The following KIF1A variants were observed in gnomAD, a reference collection of about 807,000 sequenced individuals.
KIF1A encodes kinesin family member 1A.
KIF1A carries 46 observed loss-of-function variants against 227.3 expected under a neutral mutation model. That is an observed-to-expected ratio of 0.20 (90% CI 0.16 to 0.26). The LOEUF (loss-of-function observed/expected upper bound fraction) is 0.26. Among genes scored for constraint, KIF1A ranks in the 10% least tolerant of loss-of-function variants. The pLI, the probability that KIF1A is intolerant of heterozygous loss-of-function variation, is 1.00. For synonymous variants in KIF1A, 1,022 were observed against 1,012.8 expected, an observed-to-expected ratio of 1.01 and a Z score of -0.17; for missense variants, 1,683 against 2,485.9, an observed-to-expected ratio of 0.68 and a Z score of 6.87.
At chr2:240,812,423 C>T (rs866731865) in intron 1 of KIF1A, among the ~76,000 whole-genome samples, 7 of 152,338 alleles carry the variant, frequency 4.6e-5, no homozygotes, top group Admixed American at 1.3e-4. Flanking sequence ...CACAGGCATC[C>T]GCCTGGAGCC....
rs934114337 is a variant in KIF1A at position 240,739,073 on chromosome 2, A to T, written c.3901+985T>A. 3.9e-5 allele frequency among the ~76,000 whole-genome samples: 6 copies of T among 152,266 alleles called. No homozygotes were observed. Among genetic ancestry groups the T allele is most frequent in the African/African-American group, 1.4e-4 (6 of 41,462 alleles). On this transcript the variant is annotated intron_variant, in intron 37 of 48. Coordinates refer to ENST00000498729, the MANE Select transcript of KIF1A (RefSeq NM_001244008.2). This position sits in a 1 kb window ranked among gnomAD's most constrained non-coding sequence, Gnocchi z 5.6. The stretch of plus-strand genomic sequence containing the variant: ...GACTTTCTGATTCATGTGAAATTAG[A>T]CACAAAACTTGTAAAACATAAGCAT...
Position 240,726,813 on chromosome 2 carries a change from A to T in KIF1A, c.4122+13T>A, listed in dbSNP as rs763326105. On this transcript the variant is annotated intron_variant, in intron 39 of 48. Coordinates refer to ENST00000498729, the MANE Select transcript of KIF1A (RefSeq NM_001244008.2). This position sits in a 1 kb window ranked among gnomAD's most constrained non-coding sequence, Gnocchi z 5.2. ...AGTGGTTTTGGTGGAGTGCCCTGGC[A>T]TAGGTGCCTTGCCTCGATATAAGCG... 6 of 1,554,066 alleles carry T rather than the reference A, an allele frequency of 3.9e-6. No homozygotes were observed. Among genetic ancestry groups the T allele is most frequent in the Non-Finnish European group, 5.3e-6 (6 of 1,130,606 alleles).
At position 240,766,695 on chromosome 2, in the gene KIF1A, GC is replaced by G. The variant is rs1445045940; in HGVS notation, c.1684+219del. On this transcript the variant is annotated intron_variant, in intron 19 of 48. Coordinates refer to ENST00000498729, the MANE Select transcript of KIF1A (RefSeq NM_001244008.2). This position sits in a 1 kb window ranked among gnomAD's most constrained non-coding sequence, Gnocchi z 5.0. The stretch of plus-strand genomic sequence containing the variant: ...CTAATGGAAGTTGTTTTTAAGGCTG[GC>G]CCCAAATATCTCTCTCTCTCTCCAA... 6.7e-6 allele frequency among the ~76,000 whole-genome samples: 1 copy of G among 148,864 alleles called. No homozygotes were observed. Among genetic ancestry groups the G allele is most frequent in the African/African-American group, 2.5e-5 (1 of 39,528 alleles).
intron 13 of KIF1A, 122 bp downstream of exon 13, chr2:240,772,992 G>T: frequency 1.8e-6 from 2 of 1,082,072 alleles, no homozygotes; most frequent in Non-Finnish European, 2.6e-6. Flanking sequence ...GTGTGGAGCT[G>T]CCACAGCCCA....
intron 19 of KIF1A, 138 bp from the exon 20 acceptor site, chr2:240,765,931 T>C (rs746984293): frequency 4.6e-6 from 3 of 658,582 alleles, no homozygotes; most frequent in Admixed American, 2.6e-5. Context: ...GCCGTGACCA[T>C]TGGCAACACT....
intron 2 of KIF1A, among the ~76,000 whole-genome samples, chr2:240,795,293 G>T (rs555536031): frequency 6.6e-6 from 1 of 152,318 alleles, no homozygotes; most frequent in African/African-American, 2.4e-5. Context: ...AGGGCCAGAC[G>T]GGATCCAGGC....
At chr2:240,807,078 A>G (rs866044483) in intron 1 of KIF1A, among the ~76,000 whole-genome samples, 99 of 95,234 alleles carry the variant, frequency 1.0e-3, no homozygotes, top group East Asian at 7.3e-3. Context: ...CCTCATATAT[A>G]TGTGTGTGTG....
intron 14 of KIF1A, 89 bp from the exon 15 acceptor site, chr2:240,771,193 G>T: frequency 6.6e-7 from 1 of 1,524,116 alleles, no homozygotes. Flanking sequence ...TGGGGAGGAG[G>T]GGTAGGGCGG....
intron 10 of KIF1A, among the ~76,000 whole-genome samples, chr2:240,779,974 C>T (rs954140224): frequency 1.3e-5 from 2 of 152,160 alleles, no homozygotes; most frequent in African/African-American, 4.8e-5. Context: ...TCCACACAGC[C>T]CCGTTGCACC....
At chr2:240,741,122 G>T in intron 35 of KIF1A, 147 bp downstream of exon 35, 1 of 604,326 alleles carries the variant, frequency 1.7e-6, no homozygotes, top group Non-Finnish European at 3.0e-6. Flanking sequence ...CCTAGATGAG[G>T]CCGGGCCCAC....
At chr2:240,741,190 G>A (rs2047915013) in intron 35 of KIF1A, 79 bp downstream of exon 35, 2 of 950,746 alleles carry the variant, frequency 2.1e-6, no homozygotes, top group Middle Eastern at 3.0e-4. Flanking sequence ...GCAACCCTCA[G>A]GCAGCTCAAG....
rs2049774022 is a variant in KIF1A, at chr2:240,755,759, C to T, written c.2858+1560G>A. 2.6e-5 allele frequency among the ~76,000 whole-genome samples: 4 copies of T among 152,316 alleles called. No individual in the cohort carries two copies. In the South Asian group the frequency reaches 8.3e-4, roughly 32 times the overall value. On this transcript the variant is annotated intron_variant, in intron 27 of 48. Transcript: ENST00000498729. The stretch of plus-strand genomic sequence containing the variant: ...TCTGGCTGAGACTGCGAGAGCCCCA[C>T]CCCACTTCTCCTGATGTCCTCATCC...
chr2:240,747,948 CGGGTCACG>C (rs2048794927), intron 28 of KIF1A, among the ~76,000 whole-genome samples: 1 of 152,250 alleles, frequency 6.6e-6, no homozygotes, highest in African/African-American at 2.4e-5. Context: ...TGACCTCGCC[CGGGTCACG>C]GGCAGGGCTG....
chr2:240,816,707 CG>C (rs2058352347), intron 1 of KIF1A, among the ~76,000 whole-genome samples: 1 of 152,198 alleles, frequency 6.6e-6, no homozygotes, highest in Non-Finnish European at 1.5e-5. Context: ...CTACTCATTC[CG>C]GCAACCCCAG....
chr2:240,809,627 A>C (rs2057702323), intron 1 of KIF1A, among the ~76,000 whole-genome samples: 1 of 152,090 alleles, frequency 6.6e-6, no homozygotes, highest in African/African-American at 2.4e-5. Flanking sequence ...TTGGAAGAAA[A>C]TAAAGAAGAG....
intron 13 of KIF1A, among the ~76,000 whole-genome samples, chr2:240,772,909 C>T (rs2052198931): frequency 1.3e-5 from 2 of 152,174 alleles, no homozygotes; most frequent in Non-Finnish European, 2.9e-5. Flanking sequence ...CGCCCGGCCT[C>T]CCACCCAGAG....
chr2:240,801,505 T>C (rs1162094650), intron 1 of KIF1A, among the ~76,000 whole-genome samples: 1 of 152,084 alleles, frequency 6.6e-6, no homozygotes. Flanking sequence ...CACAGTGAAA[T>C]GGTCAAACAT....
chr2:240,752,236 G>A lies in KIF1A; in HGVS notation c.2859-1689C>T, dbSNP rs1019278100. Among the ~76,000 whole-genome samples, 1 of 151,830 alleles carries A rather than the reference G, an allele frequency of 6.6e-6. No homozygotes were observed. The highest frequency in any genetic ancestry group is 1.9e-4 in the East Asian group (1 of 5,130). ...ACTTGTTACCCACAGGGCTGCAGGC[G>A]GCTCTGCCTGACTTAGGTGTGGGGG... On this transcript the variant is annotated intron_variant, in intron 27 of 48. Coordinates refer to ENST00000498729, the MANE Select transcript of KIF1A (RefSeq NM_001244008.2). This position sits in a 1 kb window ranked among gnomAD's most constrained non-coding sequence, Gnocchi z 6.4.
chr2:240,776,489 C>T (rs570499431), intron 10 of KIF1A, among the ~76,000 whole-genome samples: 294 of 152,298 alleles, frequency 1.9e-3, no homozygotes, highest in Non-Finnish European at 3.2e-3. Flanking sequence ...TTTCCTCTAA[C>T]GGCCTGTTCT....
Sources: allele counts gnomAD v4.1 joint callset (sites outside exome capture counted in the v4.1 genomes callset), GRCh38; gene constraint gnomAD v4.1.1; non-coding constraint Gnocchi (gnomAD v3.1); transcripts MANE v1.5; gene names NCBI Gene and HGNC (gene_info 2026-07-23, HGNC 2026-07-21).